RYR3: variants seen among roughly 807,000 people sequenced by gnomAD.
The protein encoded by RYR3 is brain ryanodine receptor-calcium release channel.
In RYR3, 207 loss-of-function variants were observed where a neutral mutation model predicts 584.3. The observed-to-expected ratio is 0.35, with a 90% CI of 0.32 to 0.40. The LOEUF (loss-of-function observed/expected upper bound fraction) is 0.40. Among genes scored for constraint, RYR3 ranks in the 10% least tolerant of loss-of-function variants. The pLI is 1.00. For missense variants in RYR3, 5,616 were observed against 6,089.2 expected (o/e 0.92, Z 2.59); for synonymous variants, 2,416 against 2,248.5 (o/e 1.07, Z -2.11).
At chr15:33,769,242 T>C in intron 62 of RYR3, 70 bp downstream of exon 62, 1 of 1,127,606 alleles carries the variant, frequency 8.9e-7, no homozygotes. Flanking sequence ...TCACTAATTA[T>C]ACTGAAGAGA....
At position 33,795,669 on chromosome 15, in the gene RYR3, C is replaced by G. The variant is rs7176913; in HGVS notation, c.9831-5101C>G. On this transcript the variant is annotated intron_variant, in intron 67 of 103. Transcript: ENST00000634891. ...TTGGCCTCCCAAAGTGCTGAGATTA[C>G]AGGTATGCACCACGACGCCTGGCTA... Among the ~76,000 whole-genome samples the G allele has an allele frequency of 2.7e-3, 408 of 152,210 alleles. 5 individuals are homozygous for G. Among genetic ancestry groups the G allele is most frequent in the African/African-American group, 9.2e-3 (384 of 41,544 alleles).
chr15:33,860,970 A>G, intron 101 of RYR3, 108 bp from the exon 102 acceptor site: 3 of 895,064 alleles, frequency 3.4e-6, no homozygotes, highest in South Asian at 3.0e-5. Flanking sequence ...AGCCAAAAGC[A>G]TTAGAAAGAA....
At chr15:33,510,767 T>C (rs1169936519) in intron 3 of RYR3, among the ~76,000 whole-genome samples, 1 of 152,162 alleles carries the variant, frequency 6.6e-6, no homozygotes, top group Non-Finnish European at 1.5e-5. Context: ...ATGTGTTTTT[T>C]TCCACAGACC....
chr15:33,342,416 A>G (rs1028529283), intron 1 of RYR3, among the ~76,000 whole-genome samples: 2 of 152,204 alleles, frequency 1.3e-5, no homozygotes, highest in Non-Finnish European at 2.9e-5. Context: ...ATTTAGCATT[A>G]TGTTAGTTTC....
chr15:33,337,937 T>TTTTTC (rs1971331460), intron 1 of RYR3, among the ~76,000 whole-genome samples: 1 of 44,632 alleles, frequency 2.2e-5, no homozygotes, highest in African/African-American at 6.5e-5. Context: ...TTAGGAGATT[T>TTTTTC]TTTTTTTTTT....
At chr15:33,531,648 T>TATA (rs1555514254) in intron 4 of RYR3, among the ~76,000 whole-genome samples, 3 of 41,380 alleles carry the variant, frequency 7.2e-5, no homozygotes, top group Non-Finnish European at 2.3e-4. Context: ...TATATATATA[T>TATA]TTTTTTTTCT....
chr15:33,744,058 ACT>A (rs899191871), intron 52 of RYR3, among the ~76,000 whole-genome samples: 1 of 150,862 alleles, frequency 6.6e-6, no homozygotes, highest in Non-Finnish European at 1.5e-5. Flanking sequence ...TTTTAGACTC[ACT>A]CTCTCATATG....
intron 1 of RYR3, among the ~76,000 whole-genome samples, chr15:33,440,334 A>G (rs1162398559): frequency 6.6e-6 from 1 of 152,182 alleles, no homozygotes; most frequent in African/African-American, 2.4e-5. Context: ...AAACCCATTT[A>G]AACAAGGAAG....
intron 13 of RYR3, 68 bp downstream of exon 13, chr15:33,580,212 C>G: frequency 7.9e-7 from 1 of 1,263,402 alleles, no homozygotes; most frequent in Non-Finnish European, 1.1e-6. Context: ...GTGACTACAA[C>G]TTAGCTTTGT....
intron 15 of RYR3, among the ~76,000 whole-genome samples, chr15:33,584,930 G>A (rs1196972012): frequency 6.6e-6 from 1 of 152,034 alleles, no homozygotes; most frequent in Admixed American, 6.6e-5. Flanking sequence ...GAGGAAAAAT[G>A]ATCCCCACTC....
rs189967111 is a variant in RYR3 at position 33,710,526 on chromosome 15, G to A, written c.6619+3472G>A. On this transcript the variant is annotated intron_variant, in intron 43 of 103. Transcript: ENST00000634891. Reference sequence around the variant, plus strand: ...CTACCATCCTGGGGTCTGGAGGGTGGCTCCCCACAGCTCCACTAGGCAGTA... The same window carrying A: ...CTACCATCCTGGGGTCTGGAGGGTGACTCCCCACAGCTCCACTAGGCAGTA... Among the ~76,000 whole-genome samples, 817 of 152,022 alleles carry A rather than the reference G, an allele frequency of 5.4e-3. 6 individuals are homozygous for A. The highest frequency in any genetic ancestry group is 0.019 in the African/African-American group (782 of 41,448).
Position 33,802,154 on chromosome 15 carries a change from T to C in RYR3, c.10011+193T>C, listed in dbSNP as rs2075953211. 4.1e-6 allele frequency: 3 copies of C among 734,016 alleles called. No homozygotes were observed. The South Asian group carries it at 4.1e-5, about 10-fold the overall frequency. 45.5% of individuals were successfully genotyped at this position (734,016 alleles called of 1,614,324 possible). ...CTCAAATAAGCATGGTCATCACATT[T>C]TATGAATAAATAGCTGCTTGTATGT... On this transcript the variant is annotated intron_variant, in intron 69 of 103. Coordinates refer to ENST00000634891, the MANE Select transcript of RYR3 (RefSeq NM_001036.6).
At chr15:33,576,467 G>A (rs966000696) in intron 12 of RYR3, among the ~76,000 whole-genome samples, 3 of 152,120 alleles carry the variant, frequency 2.0e-5, no homozygotes, top group Non-Finnish European at 2.9e-5. Context: ...TTCAACATAT[G>A]CAAATCAATA....
In RYR3 at chr15:33,652,808, C is replaced by G; in HGVS notation, c.4233C>G (p.Ile1411Met). Residue 1411 changes from isoleucine to methionine, a missense_variant, in exon 32 of 104, where the codon ATC becomes ATG. By Grantham distance (10) the Ile-to-Met change is conservative. Around this residue, in one of 9 missense-constraint regions of RYR3, gnomAD observed 753 missense variants for 741.0 expected, o/e 1.02. Transcript: ENST00000634891. ...RSNRSNVDLE[I>M]GCLVDLAMGM... The stretch of plus-strand genomic sequence containing the variant: ...ATCGGAGCAACGTGGACCTGGAGAT[C>G]GGCTGTCTCGTGGATCTGGCCATGG... 1 of 1,613,878 alleles carries G rather than the reference C, an allele frequency of 6.2e-7. No individual in the cohort carries two copies. Among genetic ancestry groups the G allele is most frequent in the Non-Finnish European group, 8.5e-7 (1 of 1,179,844 alleles).
intron 27 of RYR3, among the ~76,000 whole-genome samples, chr15:33,644,068 G>A (rs979360749): frequency 1.1e-4 from 16 of 152,060 alleles, no homozygotes; most frequent in African/African-American, 2.9e-4. Context: ...CTGGATCATC[G>A]TTTTTCCCAA....
chr15:33,451,822 T>C (rs888660035), intron 1 of RYR3, among the ~76,000 whole-genome samples: 2 of 152,270 alleles, frequency 1.3e-5, no homozygotes, highest in African/African-American at 4.8e-5. Context: ...CAGTAGTCTT[T>C]GACTTCGTCA....
intron 3 of RYR3, among the ~76,000 whole-genome samples, chr15:33,506,450 C>G (rs1445751881): frequency 6.6e-6 from 1 of 152,132 alleles, no homozygotes; most frequent in Non-Finnish European, 1.5e-5. Context: ...CATGTTGAGT[C>G]AGACTCTGAA....
At chr15:33,327,458 C>T (rs1007301422) in intron 1 of RYR3, among the ~76,000 whole-genome samples, 1 of 152,182 alleles carries the variant, frequency 6.6e-6, no homozygotes, top group African/African-American at 2.4e-5. Flanking sequence ...CCCTTTGAAC[C>T]TACCATTTGG....
chr15:33,343,030 A>G (rs1972021402), intron 1 of RYR3, among the ~76,000 whole-genome samples: 1 of 152,220 alleles, frequency 6.6e-6, no homozygotes, highest in Non-Finnish European at 1.5e-5. Context: ...CATCCTTAAA[A>G]ATGCTATTTT....
Sources: allele counts gnomAD v4.1 joint callset (sites outside exome capture counted in the v4.1 genomes callset), GRCh38; gene constraint gnomAD v4.1.1; regional missense constraint gnomAD v4.1.1; transcripts MANE v1.5; gene names NCBI Gene and HGNC (gene_info 2026-07-23, HGNC 2026-07-21).